The following CLEC3B variants were observed in gnomAD, a reference collection of about 807,000 sequenced individuals.
The protein encoded by CLEC3B is C-type lectin domain family 3 member B.
A neutral mutation model predicts 15.4 loss-of-function variants in CLEC3B; 13 were observed. The ratio of observed to expected loss-of-function variants is 0.84; its 90% CI spans 0.55 to 1.34. The LOEUF is 1.34. Ranked by LOEUF, CLEC3B falls within the 40% of genes most tolerant of loss-of-function variation. The pLI, the probability that CLEC3B is intolerant of heterozygous loss-of-function variation, is 0.00. For missense variants in CLEC3B, 242 were observed against 268.6 expected, an observed-to-expected ratio of 0.90 and a Z score of 0.69; for synonymous variants, 112 against 114.7, an observed-to-expected ratio of 0.98 and a Z score of 0.15.
chr3:45,036,070 G>C lies in CLEC3B; in HGVS notation c.*146G>C. 2.0e-6 allele frequency: 2 copies of C among 992,436 alleles called. No homozygotes were observed. Among genetic ancestry groups the C allele is most frequent in the Non-Finnish European group, 2.9e-6 (2 of 695,876 alleles). The allele number at this position is 992,436 out of a possible 1,614,324, so 61.5% of individuals were successfully genotyped here. On this transcript the variant is annotated 3_prime_UTR_variant, in exon 3 of 3. Transcript: ENST00000296130. ...AAAGTTGGTGCAGCTTCGCGGAGAG[G>C]AGAGGCGCTGCAGTCTGTGCTGTGT...
intron 1 of CLEC3B, among the ~76,000 whole-genome samples, chr3:45,029,148 C>T (rs1181433048): frequency 9.0e-6 from 1 of 111,180 alleles, no homozygotes. Context: ...ACAGCTTCCT[C>T]AGGTGGAGCT....
chr3:45,035,098 A>C (rs1316409948), intron 2 of CLEC3B, among the ~76,000 whole-genome samples: 1 of 152,198 alleles, frequency 6.6e-6, no homozygotes, highest in African/African-American at 2.4e-5. Context: ...GGAGCCACAC[A>C]TGTGGGGGCG....
At chr3:45,031,509 A>G (rs552021910) in intron 2 of CLEC3B, among the ~76,000 whole-genome samples, 3 of 152,228 alleles carry the variant, frequency 2.0e-5, no homozygotes, top group Non-Finnish European at 2.9e-5. Flanking sequence ...AACCTGGCTC[A>G]TACTCACCTC....
Position 45,026,372 on chromosome 3 carries a change from TG to T in CLEC3B, c.16del (p.Ala6ProfsTer11), listed in dbSNP as rs2125978920. Reference sequence around the variant, plus strand: ...CCGCCCGCGCAGCAGCATGGAGCTCTGGGGGGCCTACCTCCTCCTCTGCCTC... The same window carrying T: ...CCGCCCGCGCAGCAGCATGGAGCTCTGGGGGCCTACCTCCTCCTCTGCCTC... Reference protein sequence around the residue: MELWGAYLLLCLFS... With the variant: MELXGAYLLLCLFS... On this transcript the variant is annotated frameshift_variant, in exon 1 of 3. Transcript: ENST00000296130. LOFTEE classifies it high-confidence loss of function. 2.5e-6 allele frequency: 4 copies of T among 1,613,754 alleles called. No individual in the cohort carries two copies. The highest frequency in any genetic ancestry group is 2.2e-5 in the East Asian group (1 of 44,864).
intron 1 of CLEC3B, among the ~76,000 whole-genome samples, chr3:45,026,748 C>T (rs1210571985): frequency 6.6e-6 from 1 of 152,176 alleles, no homozygotes; most frequent in African/African-American, 2.4e-5. Flanking sequence ...TTTAAAGAAA[C>T]CAAACCTTTG....
chr3:45,030,954 A>G (rs1259751520), intron 2 of CLEC3B, 29 bp downstream of exon 2: 4 of 1,491,256 alleles, frequency 2.7e-6, no homozygotes, highest in Non-Finnish European at 3.7e-6. Context: ...CTCTCTGGGC[A>G]GGAGCGTCTG....
intron 2 of CLEC3B, 55 bp from the exon 3 acceptor site, chr3:45,035,469 C>T: frequency 6.5e-7 from 1 of 1,550,094 alleles, no homozygotes; most frequent in Non-Finnish European, 8.7e-7. Context: ...GCGGTTGGCT[C>T]TTTGCCTGGG....
At chr3:45,031,331 C>T (rs754559806) in intron 2 of CLEC3B, among the ~76,000 whole-genome samples, 1 of 152,238 alleles carries the variant, frequency 6.6e-6, no homozygotes, top group Non-Finnish European at 1.5e-5. Context: ...CCCCAGAGAG[C>T]TCCACACTCC....
chr3:45,032,436 C>T (rs1697572215), intron 2 of CLEC3B, among the ~76,000 whole-genome samples: 1 of 152,212 alleles, frequency 6.6e-6, no homozygotes, highest in Non-Finnish European at 1.5e-5. Context: ...ATCAGCTCCT[C>T]AGTTATAAGC....
chr3:45,028,549 G>A (rs1352772366), intron 1 of CLEC3B, among the ~76,000 whole-genome samples: 2 of 152,174 alleles, frequency 1.3e-5, no homozygotes, highest in Non-Finnish European at 2.9e-5. Context: ...GAGTAAGTGA[G>A]ACTCCGTCTC....
intron 1 of CLEC3B, among the ~76,000 whole-genome samples, chr3:45,029,110 G>T (rs12636361): frequency 1.3e-5 from 2 of 152,102 alleles, no homozygotes; most frequent in East Asian, 3.9e-4. Context: ...TCCTGACTCT[G>T]CCCAGGGCCG....
chr3:45,027,444 A>T (rs946973741), intron 1 of CLEC3B, among the ~76,000 whole-genome samples: 1 of 152,268 alleles, frequency 6.6e-6, no homozygotes, highest in African/African-American at 2.4e-5. Flanking sequence ...CTGGCTGCTG[A>T]TAAAAAAATC....
intron 2 of CLEC3B, among the ~76,000 whole-genome samples, chr3:45,031,948 C>T (rs974036220): frequency 2.0e-5 from 3 of 151,394 alleles, no homozygotes; most frequent in Non-Finnish European, 4.4e-5. Context: ...GCTTGATGCA[C>T]GTTAACTCAT....
Position 45,035,849 on chromosome 3 carries a change from C to T in CLEC3B, c.534C>T (p.Gly178=), listed in dbSNP as rs754974340. ...CCGAGAACTGCGCGGTCCTGTCAGG[C>T]GCGGCCAACGGCAAGTGGTTCGACA... is the stretch of plus-strand genomic sequence containing the variant. The part of the protein sequence containing the change: ...GKTENCAVLS[G]AANGKWFDKR... Residue 178 remains glycine, a synonymous_variant, in exon 3 of 3, where the codon GGC becomes GGT. Transcript: ENST00000296130. The T allele has an allele frequency of 1.2e-6, 2 of 1,612,694 alleles. No individual in the cohort carries two copies. The highest frequency in any genetic ancestry group is 2.2e-5 in the East Asian group (1 of 44,852).
At chr3:45,031,230 C>T (rs1697549255) in intron 2 of CLEC3B, among the ~76,000 whole-genome samples, 1 of 152,204 alleles carries the variant, frequency 6.6e-6, no homozygotes, top group African/African-American at 2.4e-5. Context: ...TACTGCCCAC[C>T]AGAAGTGACC....
intron 2 of CLEC3B, among the ~76,000 whole-genome samples, chr3:45,031,372 C>T (rs75605401): frequency 0.013 from 1,926 of 152,330 alleles, 48 homozygotes; most frequent in African/African-American, 0.044. Flanking sequence ...GACCCTGTCT[C>T]TCTTAATCGT....
intron 2 of CLEC3B, among the ~76,000 whole-genome samples, chr3:45,034,872 A>G (rs1173310376): frequency 1.3e-5 from 2 of 152,190 alleles, no homozygotes; most frequent in Non-Finnish European, 2.9e-5. Flanking sequence ...GGCACTTGGC[A>G]GGCCCTGGAA....
Position 45,028,540 on chromosome 3 carries a change from AGTAAGTGAGACTCCGTCT to A in CLEC3B, c.109+2070_109+2087del, listed in dbSNP as rs1335989465. On this transcript the variant is annotated intron_variant, in intron 1 of 2. Transcript: ENST00000296130. Reference sequence around the variant, plus strand: ...CACTGCACTCCAGCCTGGGTGACAGAGTAAGTGAGACTCCGTCTCAAAAATAAATCAATAAATAAAATA... The same window carrying A: ...CACTGCACTCCAGCCTGGGTGACAGACAAAAATAAATCAATAAATAAAATA... 3.9e-5 allele frequency among the ~76,000 whole-genome samples: 6 copies of A among 152,354 alleles called. No homozygotes were observed. The East Asian group carries it at 7.7e-4, about 20-fold the overall frequency.
At chr3:45,029,487 G>A (rs946843012) in intron 1 of CLEC3B, among the ~76,000 whole-genome samples, 34 of 152,330 alleles carry the variant, frequency 2.2e-4, no homozygotes, top group Middle Eastern at 6.8e-3. Context: ...AGGCTGGTTT[G>A]CCAGCCCCAA....
Sources: allele counts gnomAD v4.1 joint callset (sites outside exome capture counted in the v4.1 genomes callset), GRCh38; gene constraint gnomAD v4.1.1; transcripts MANE v1.5; gene names NCBI Gene and HGNC (gene_info 2026-07-23, HGNC 2026-07-21).